Variants in PDE3A observed in about 807,000 individuals in gnomAD.
PDE3A encodes cGMP-inhibited 3',5'-cyclic phosphodiesterase 3A.
Under a neutral mutation model 98.3 loss-of-function variants are expected in PDE3A, and 43 were observed. The ratio of observed to expected loss-of-function variants is 0.44; its 90% confidence interval spans 0.34 to 0.56. The LOEUF (loss-of-function observed/expected upper bound fraction) is 0.56, where lower values mean the gene tolerates loss of function less well. Ranked by LOEUF, PDE3A falls within the 20% of genes least tolerant of loss-of-function variation. The probability of loss-of-function intolerance (pLI) is 0.01; values close to 1 mark genes in which losing one functional copy is unlikely to be tolerated. For synonymous variants in PDE3A, 663 were observed against 567.9 expected (o/e 1.17, Z -2.38); for missense variants, 1,427 against 1,440.7 (o/e 0.99, Z 0.15).
Position 20,680,166 on chromosome 12 carries a change from C to T in PDE3A, c.3321C>T (p.Thr1107=). The T allele has an allele frequency of 1.2e-6, 2 of 1,613,640 alleles. No homozygotes were observed. Among genetic ancestry groups the T allele is most frequent in the Non-Finnish European group, 1.7e-6 (2 of 1,179,810 alleles). The change falls in exon 16 of 16, where the codon ACC becomes ACT. Residue 1107 remains threonine (T), a synonymous_variant. Coordinates refer to ENST00000359062, the MANE Select transcript of PDE3A (RefSeq NM_000921.5). ...AGIENQSLDQ[T]PQSHSSEQIQ... The stretch of plus-strand genomic sequence containing the variant: ...TAGAAAATCAATCCCTGGACCAGAC[C>T]CCTCAGTCGCACTCTTCAGAACAGA...
chr12:20,472,245 A>G (rs559297123), intron 1 of PDE3A, among the ~76,000 whole-genome samples: 5 of 152,290 alleles, frequency 3.3e-5, no homozygotes, highest in South Asian at 2.1e-4. Context: ...CCATAAAGCA[A>G]TTCCCATTGT....
chr12:20,606,525 G>A (rs1352039953), intron 2 of PDE3A, among the ~76,000 whole-genome samples: 3 of 151,906 alleles, frequency 2.0e-5, no homozygotes, highest in African/African-American at 4.8e-5. Flanking sequence ...TATCATATCA[G>A]TACTGCAATG....
At chr12:20,562,648 C>T (rs57279044) in intron 2 of PDE3A, among the ~76,000 whole-genome samples, 4,642 of 152,164 alleles carry the variant, frequency 0.031, 208 homozygotes, top group African/African-American at 0.11. Context: ...TGTAAACATC[C>T]TAACACTTTA....
In PDE3A at chr12:20,456,973, A is replaced by T. The variant is rs11045258; in HGVS notation, c.960+86729A>T. Among the ~76,000 whole-genome samples the T allele has an allele frequency of 7.8e-4, 119 of 152,268 alleles. 2 individuals carry two copies. The highest frequency in any genetic ancestry group is 2.7e-3 in the African/African-American group (114 of 41,570). On this transcript the variant is annotated intron_variant, in intron 1 of 15. Coordinates refer to ENST00000359062, the MANE Select transcript of PDE3A (RefSeq NM_000921.5). ...TGCTTTCTCTTCCCTTGGTTGAGTT[A>T]TACCAAAGCCTCCTTCCGGGAAATC... is the stretch of plus-strand genomic sequence containing the variant.
chr12:20,559,945 T>C (rs1942472072), intron 2 of PDE3A, among the ~76,000 whole-genome samples: 1 of 152,202 alleles, frequency 6.6e-6, no homozygotes, highest in Admixed American at 6.5e-5. Context: ...CTTACAGCAA[T>C]TACTGTGAAG....
chr12:20,516,610 C>T (rs1003406175), intron 1 of PDE3A, among the ~76,000 whole-genome samples: 1 of 152,056 alleles, frequency 6.6e-6, no homozygotes, highest in African/African-American at 2.4e-5. Context: ...AATGAGGTTT[C>T]TTTAAATTTT....
At chr12:20,408,083 G>A (rs900531327) in intron 1 of PDE3A, among the ~76,000 whole-genome samples, 6 of 151,960 alleles carry the variant, frequency 3.9e-5, no homozygotes, top group Non-Finnish European at 8.8e-5. Context: ...ACCACGCCCA[G>A]CTAATTTTTG....
At chr12:20,584,881 C>T (rs1943154232) in intron 2 of PDE3A, among the ~76,000 whole-genome samples, 1 of 152,056 alleles carries the variant, frequency 6.6e-6, no homozygotes, top group Admixed American at 6.6e-5. Flanking sequence ...ACTCTCTGTT[C>T]TCTTGATTCC....
At chr12:20,580,030 C>T (rs770073430) in intron 2 of PDE3A, among the ~76,000 whole-genome samples, 6 of 152,070 alleles carry the variant, frequency 3.9e-5, no homozygotes, top group Admixed American at 6.5e-5. Context: ...AGACCATGCA[C>T]GTTAGATCAA....
In PDE3A at chr12:20,545,125, T is replaced by C. The variant is rs374103721; in HGVS notation, c.961-11535T>C. Among the ~76,000 whole-genome samples, 7 of 152,158 alleles carry C rather than the reference T, an allele frequency of 4.6e-5. No homozygotes were observed. The South Asian group carries it at 8.3e-4, about 18-fold the overall frequency. On this transcript the variant is annotated intron_variant, in intron 1 of 15. Transcript: ENST00000359062. ...CCAAAATTCAAATTAGCAATAGAAG[T>C]TGTAAAAATTTCAAGTAATCAGGAT... is the stretch of plus-strand genomic sequence containing the variant.
intron 1 of PDE3A, among the ~76,000 whole-genome samples, chr12:20,437,021 C>T (rs1333819466): frequency 6.7e-6 from 1 of 149,072 alleles, no homozygotes. Context: ...TTCTTTTTGC[C>T]TCCTGCCTGG....
intron 14 of PDE3A, among the ~76,000 whole-genome samples, chr12:20,651,362 A>T (rs1267615093): frequency 1.3e-5 from 2 of 152,216 alleles, no homozygotes; most frequent in African/African-American, 4.8e-5. Context: ...GTGACAGAAA[A>T]GCATGTGGAA....
chr12:20,447,969 G>C (rs1278766505), intron 1 of PDE3A, among the ~76,000 whole-genome samples: 1 of 152,136 alleles, frequency 6.6e-6, no homozygotes, highest in Admixed American at 6.5e-5. Flanking sequence ...TCTTTTGTCA[G>C]AAGTGTTGAG....
chr12:20,558,215 A>C (rs1011393109), intron 2 of PDE3A, among the ~76,000 whole-genome samples: 1 of 151,944 alleles, frequency 6.6e-6, no homozygotes, highest in African/African-American at 2.4e-5. Context: ...AAAAAAAAAA[A>C]ACCTCACAAT....
chr12:20,386,724 C>T (rs1209990095), intron 1 of PDE3A, among the ~76,000 whole-genome samples: 1 of 151,988 alleles, frequency 6.6e-6, no homozygotes, highest in Admixed American at 6.6e-5. Flanking sequence ...TTCTCCCATT[C>T]TATAGGTTGT....
intron 6 of PDE3A, among the ~76,000 whole-genome samples, chr12:20,632,418 G>T (rs1944401929): frequency 6.6e-6 from 1 of 152,056 alleles, no homozygotes; most frequent in African/African-American, 2.4e-5. Flanking sequence ...TTTCATTTTA[G>T]AGTGGGTAGT....
intron 1 of PDE3A, among the ~76,000 whole-genome samples, chr12:20,472,719 T>C (rs1945461098): frequency 6.6e-6 from 1 of 152,200 alleles, no homozygotes; most frequent in African/African-American, 2.4e-5. Context: ...CTGAAATTTT[T>C]TTCAGTGTTG....
intron 1 of PDE3A, among the ~76,000 whole-genome samples, chr12:20,471,360 G>A (rs964252480): frequency 2.6e-5 from 4 of 152,104 alleles, no homozygotes; most frequent in South Asian, 2.1e-4. Context: ...AATTAAATCC[G>A]GGGTAAGGTC....
chr12:20,498,297 A>G (rs1315477491), intron 1 of PDE3A, among the ~76,000 whole-genome samples: 1 of 152,140 alleles, frequency 6.6e-6, no homozygotes, highest in Admixed American at 6.6e-5. Flanking sequence ...AAGGAAATGT[A>G]GGAACTCTGT....
Sources: allele counts gnomAD v4.1 joint callset (sites outside exome capture counted in the v4.1 genomes callset), GRCh38; gene constraint gnomAD v4.1.1; transcripts MANE v1.5; gene names NCBI Gene and HGNC (gene_info 2026-07-23, HGNC 2026-07-21).